RHOBTB1: variants seen among roughly 807,000 people sequenced by gnomAD.
RHOBTB1 encodes the protein rho-related BTB domain-containing protein 1.
RHOBTB1 carries 40 observed loss-of-function variants against 71.6 expected under a neutral mutation model. The ratio of observed to expected loss-of-function variants is 0.56; its 90% CI spans 0.43 to 0.73. The LOEUF (loss-of-function observed/expected upper bound fraction) is 0.73. Ranked by LOEUF, RHOBTB1 falls within the 30% of genes least tolerant of loss-of-function variation. RHOBTB1 has a pLI of 0.00. For missense variants in RHOBTB1, 797 were observed against 894.0 expected (o/e 0.89, Z 1.38); for synonymous variants, 319 against 334.9 (o/e 0.95, Z 0.52).
intron 1 of RHOBTB1, among the ~76,000 whole-genome samples, chr10:60,988,220 C>T (rs1478706228): frequency 6.6e-6 from 1 of 152,044 alleles, no homozygotes; most frequent in African/African-American, 2.4e-5. Flanking sequence ...AGGCGTGAGC[C>T]ATCACGCCCG....
intron 2 of RHOBTB1, among the ~76,000 whole-genome samples, chr10:60,965,510 G>A (rs74155420): frequency 1.7e-4 from 26 of 152,160 alleles, no homozygotes; most frequent in African/African-American, 5.3e-4. Flanking sequence ...ATGGTGCCTG[G>A]CATGTAGTAG....
intron 7 of RHOBTB1, 24 bp downstream of exon 7, chr10:60,886,088 C>T (rs1386270909): frequency 6.5e-7 from 1 of 1,532,232 alleles, no homozygotes; most frequent in Non-Finnish European, 9.0e-7. Context: ...AAAGACACCA[C>T]TATGCTTTTA....
intron 2 of RHOBTB1, among the ~76,000 whole-genome samples, chr10:60,917,493 G>A (rs1395625757): frequency 6.6e-6 from 1 of 152,158 alleles, no homozygotes; most frequent in Non-Finnish European, 1.5e-5. Flanking sequence ...GCAGGGTGCT[G>A]GTGTGGCTAG....
downstream of RHOBTB1, among the ~76,000 whole-genome samples, chr10:60,867,008 C>T (rs1357580822): frequency 6.6e-6 from 1 of 152,114 alleles, no homozygotes; most frequent in Admixed American, 6.5e-5. Flanking sequence ...CACACAGGTT[C>T]CATTTCATTT....
At chr10:60,885,182 C>T (rs1004668384) in intron 7 of RHOBTB1, among the ~76,000 whole-genome samples, 1 of 152,132 alleles carries the variant, frequency 6.6e-6, no homozygotes, top group Non-Finnish European at 1.5e-5. Context: ...TTTAAATGTT[C>T]TCATCACAAA....
chr10:60,863,602 A>G, the RHOBTB1 span, among the ~76,000 whole-genome samples: 27,429 of 151,842 alleles, frequency 0.18, 2,759 homozygotes, highest in African/African-American at 0.27. Flanking sequence ...ACATAATCTC[A>G]GCTCACTGGG....
At chr10:60,862,785 T>C in the RHOBTB1 span, among the ~76,000 whole-genome samples, 4 of 150,966 alleles carry the variant, frequency 2.6e-5, no homozygotes, top group Non-Finnish European at 4.4e-5. Context: ...TTCCTCTTTC[T>C]TTCTTCCTTT....
Position 60,892,933 on chromosome 10 carries a change from C to T in RHOBTB1, c.359G>A (p.Ser120Asn), listed in dbSNP as rs1183286806. 1 of 1,613,914 alleles carries T rather than the reference C, an allele frequency of 6.2e-7. No individual in the cohort carries two copies. Among genetic ancestry groups the T allele is most frequent in the East Asian group, 2.2e-5 (1 of 44,890 alleles). Reference sequence around the variant, plus strand: ...GTGCTTGATTTCTGGATACCACATGCTTTTCACATGATTTAGGGAATTGGG... The same window carrying T: ...GTGCTTGATTTCTGGATACCACATGTTTTTCACATGATTTAGGGAATTGGG... ...ANPNSLNHVK[S>N]MWYPEIKHFC... Residue 120 changes from serine to asparagine, a missense_variant, in exon 5 of 11, where the codon AGC becomes AAC. Around this residue, in one of 2 missense-constraint regions of RHOBTB1, gnomAD observed 139 missense variants for 212.5 expected, o/e 0.65. Transcript: ENST00000337910.
At chr10:60,988,339 T>G (rs563016826) in intron 1 of RHOBTB1, among the ~76,000 whole-genome samples, 14 of 152,320 alleles carry the variant, frequency 9.2e-5, no homozygotes, top group South Asian at 6.2e-4. Context: ...ATTCAAGGGA[T>G]ACATGTGCAG....
intron 2 of RHOBTB1, among the ~76,000 whole-genome samples, chr10:60,968,314 T>A (rs1355100565): frequency 6.6e-6 from 1 of 152,166 alleles, no homozygotes; most frequent in African/African-American, 2.4e-5. Flanking sequence ...GGAGTGTTCC[T>A]TTGTTCAATT....
chr10:60,994,248 A>G (rs2086968407), intron 1 of RHOBTB1, among the ~76,000 whole-genome samples: 1 of 152,168 alleles, frequency 6.6e-6, no homozygotes, highest in Non-Finnish European at 1.5e-5. Flanking sequence ...GGGTACTTCT[A>G]GTCCAGTAAG....
At position 60,888,922 on chromosome 10, in the gene RHOBTB1, G is replaced by A. The variant is rs1473436662; in HGVS notation, c.746C>T (p.Pro249Leu). ...GGCAGCTTCATTTGTCCCCATGGAA[G>A]GACACTCTGGAATTTTGATGACCGG... ...PPPVIKIPEC[P>L]SMGTNEAACL... The change falls in exon 6 of 11, where the codon CCT becomes CTT. Residue 249 changes from proline to leucine, a missense_variant. Transcript: ENST00000337910. 3 of 1,614,186 alleles carry A rather than the reference G, an allele frequency of 1.9e-6. No homozygotes were observed. Among genetic ancestry groups the A allele is most frequent in the Non-Finnish European group, 2.5e-6 (3 of 1,180,022 alleles).
At chr10:60,945,704 T>A (rs192462399), upstream of RHOBTB1, among the ~76,000 whole-genome samples, 168 of 152,318 alleles carry the variant, frequency 1.1e-3, no homozygotes, top group Admixed American at 1.9e-3. Context: ...CCAATGTTTT[T>A]ACGAGGAAAG....
intron 2 of RHOBTB1, among the ~76,000 whole-genome samples, chr10:60,950,781 T>A (rs577517185): frequency 6.6e-6 from 1 of 152,212 alleles, no homozygotes; most frequent in Non-Finnish European, 1.5e-5. Context: ...GCATAGGGTA[T>A]CATTTGATTT....
rs35430567 is a variant in RHOBTB1 at position 60,882,203 on chromosome 10, T to TAA, written c.1575+3907_1575+3908dup. Among the ~76,000 whole-genome samples, 73 of 146,594 alleles carry TAA rather than the reference T, an allele frequency of 5.0e-4. 2 individuals are homozygous for TAA. Among genetic ancestry groups the TAA allele is most frequent in the African/African-American group, 1.7e-3 (68 of 40,370 alleles). On this transcript the variant is annotated intron_variant, in intron 7 of 10. Transcript: ENST00000337910. The stretch of plus-strand genomic sequence containing the variant: ...CTGCTGGATATAGTTTCTTTTTTCT[T>TAA]AAAAAAAAAAAAAGAGTGATCAAAG...
At chr10:60,923,167 G>A (rs1407661622) in intron 2 of RHOBTB1, among the ~76,000 whole-genome samples, 1 of 152,070 alleles carries the variant, frequency 6.6e-6, no homozygotes, top group Non-Finnish European at 1.5e-5. Context: ...TGTAAACAGA[G>A]ACCATTCAAC....
At chr10:60,862,757 TTCC>T in the RHOBTB1 span, among the ~76,000 whole-genome samples, 663 of 150,574 alleles carry the variant, frequency 4.4e-3, 4 homozygotes, top group Admixed American at 6.6e-3. Context: ...CTTTCCTTCC[TTCC>T]TTCTTTTTCC....
rs12267306 is a variant in RHOBTB1, at chr10:60,916,013, A to G, written c.-10-4461T>C. On this transcript the variant is annotated intron_variant, in intron 2 of 10. Coordinates refer to ENST00000337910, the MANE Select transcript of RHOBTB1 (RefSeq NM_014836.5). Reference sequence around the variant, plus strand: ...TCTCAAATTTCAAAATTCCACTCTCAGAAAAAAAACTCCTACCTTTACAGC... The same window carrying G: ...TCTCAAATTTCAAAATTCCACTCTCGGAAAAAAAACTCCTACCTTTACAGC... Among the ~76,000 whole-genome samples, 478 of 152,288 alleles carry G rather than the reference A, an allele frequency of 3.1e-3. 6 individuals carry two copies. Among genetic ancestry groups the G allele is most frequent in the African/African-American group, 0.011 (456 of 41,570 alleles).
At chr10:60,899,462 G>T (rs1271637224) in intron 4 of RHOBTB1, among the ~76,000 whole-genome samples, 1 of 152,140 alleles carries the variant, frequency 6.6e-6, no homozygotes, top group Admixed American at 6.5e-5. Context: ...GTCAGCTACC[G>T]CGCTACATGG....
Sources: gnomAD v4.1 joint callset for allele counts (sites outside exome capture counted in the v4.1 genomes callset) on GRCh38, gnomAD v4.1.1 for gene constraint, gnomAD v4.1.1 regional missense constraint, MANE v1.5 for transcripts, NCBI Gene and HGNC (gene_info 2026-07-23, HGNC 2026-07-21) for gene names.